The following LIMK2 variants were observed in gnomAD, a reference collection of about 807,000 sequenced individuals.
LIMK2 encodes LIM domain kinase 2.
In LIMK2, 35 loss-of-function variants were observed where a neutral mutation model predicts 75.7. The ratio of observed to expected loss-of-function variants is 0.46; its 90% CI spans 0.35 to 0.61. The LOEUF (loss-of-function observed/expected upper bound fraction) is 0.61, where lower values mean the gene tolerates loss of function less well. Among genes scored for constraint, LIMK2 ranks in the 20% least tolerant of loss-of-function variants. The probability of loss-of-function intolerance (pLI) is 0.00; values close to 1 mark genes in which losing one functional copy is unlikely to be tolerated. For synonymous variants in LIMK2, 301 were observed against 319.2 expected, an observed-to-expected ratio of 0.94 and a Z score of 0.61; for missense variants, 623 against 831.0, an observed-to-expected ratio of 0.75 and a Z score of 3.08.
At chr22:31,230,441 G>A (rs1188265846) in intron 2 of LIMK2, among the ~76,000 whole-genome samples, 1 of 152,142 alleles carries the variant, frequency 6.6e-6, no homozygotes, top group African/African-American at 2.4e-5. Flanking sequence ...CTGATCAAAG[G>A]TGTTTGGCTT....
At chr22:31,267,170 G>A (rs879450364) in intron 9 of LIMK2, 100 bp downstream of exon 9, 31 of 691,870 alleles carry the variant, frequency 4.5e-5, no homozygotes, top group Non-Finnish European at 7.7e-5. Context: ...TGGAATTACT[G>A]TCTTAAAGAC....
chr22:31,277,623 AT>A (rs2049045313), intron 15 of LIMK2: 2 of 826,826 alleles, frequency 2.4e-6, no homozygotes, highest in African/African-American at 1.9e-5. Flanking sequence ...TTATTAAAAA[AT>A]ATATATATAC....
chr22:31,242,904 C>G (rs1426787588), intron 2 of LIMK2, among the ~76,000 whole-genome samples: 1 of 152,150 alleles, frequency 6.6e-6, no homozygotes, highest in Non-Finnish European at 1.5e-5. Context: ...CCCTGTGAAG[C>G]TGGGAATTGC....
chr22:31,260,616 TGTC>T (rs1254146502), intron 5 of LIMK2, among the ~76,000 whole-genome samples: 4 of 152,194 alleles, frequency 2.6e-5, no homozygotes, highest in Non-Finnish European at 5.9e-5. Flanking sequence ...ATACCAGTAA[TGTC>T]GTACCTCTGG....
At chr22:31,227,505 C>A (rs780419807) in intron 2 of LIMK2, among the ~76,000 whole-genome samples, 1 of 152,228 alleles carries the variant, frequency 6.6e-6, no homozygotes, top group African/African-American at 2.4e-5. Context: ...GCTCTCAAGT[C>A]TTTTCTGTGG....
chr22:31,274,001 G>GTTT (rs57281983), intron 14 of LIMK2, among the ~76,000 whole-genome samples: 2 of 139,556 alleles, frequency 1.4e-5, no homozygotes, highest in Non-Finnish European at 1.6e-5. Context: ...GCCCGGCCAG[G>GTTT]TTTTTTTTTT....
intron 2 of LIMK2, among the ~76,000 whole-genome samples, chr22:31,257,324 C>T (rs1356675734): frequency 3.3e-5 from 5 of 151,972 alleles, no homozygotes; most frequent in Non-Finnish European, 7.4e-5. Flanking sequence ...ACCTACATAC[C>T]TTTCACATAG....
At chr22:31,255,121 GA>G (rs967426026) in intron 2 of LIMK2, among the ~76,000 whole-genome samples, 7 of 152,154 alleles carry the variant, frequency 4.6e-5, no homozygotes, top group African/African-American at 1.7e-4. Flanking sequence ...GAAAAACACA[GA>G]TATGCACAGA....
intron 2 of LIMK2, among the ~76,000 whole-genome samples, chr22:31,241,853 A>G (rs2048626366): frequency 6.6e-6 from 1 of 152,196 alleles, no homozygotes; most frequent in African/African-American, 2.4e-5. Flanking sequence ...AGTTCCTGCA[A>G]CAACCTCTTG....
rs537685026 is a variant in LIMK2, at chr22:31,268,209, C to T, written c.1317+9C>T. 2.3e-5 allele frequency: 37 copies of T among 1,611,212 alleles called. 1 individual carries two copies. The South Asian group carries it at 2.6e-4, about 11-fold the overall frequency. On this transcript the variant is annotated intron_variant, in intron 11 of 15. Transcript: ENST00000331728. ...GAATCGCCTCCGGAATGGTGAGTCC[C>T]ACCAACAAACCTGCCAGCAGGGCGA...
intron 2 of LIMK2, among the ~76,000 whole-genome samples, chr22:31,228,025 T>TGTGC (rs2048494137): frequency 1.0e-5 from 1 of 99,176 alleles, no homozygotes; most frequent in South Asian, 2.7e-4. Context: ...TGCGTGCGTG[T>TGTGC]GTGTGTGTGT....
At chr22:31,214,632 A>T (rs1186179460) in intron 1 of LIMK2, among the ~76,000 whole-genome samples, 1 of 151,980 alleles carries the variant, frequency 6.6e-6, no homozygotes, top group African/African-American at 2.4e-5. Context: ...CTTTTCTTAA[A>T]AATGCAAGTT....
intron 15 of LIMK2, among the ~76,000 whole-genome samples, chr22:31,276,610 A>ACCTGAGCCGGCT (rs2049023605): frequency 6.8e-6 from 1 of 146,146 alleles, no homozygotes; most frequent in African/African-American, 2.4e-5. Context: ...CGGCGAGCTA[A>ACCTGAGCCGGCT]CCTGAGCCAG....
At chr22:31,214,640 G>A (rs2048374943) in intron 1 of LIMK2, among the ~76,000 whole-genome samples, 1 of 151,484 alleles carries the variant, frequency 6.6e-6, no homozygotes, top group Non-Finnish European at 1.5e-5. Flanking sequence ...AAAAATGCAA[G>A]TTTATGCTGA....
At chr22:31,249,533 A>G (rs2048704652) in intron 2 of LIMK2, among the ~76,000 whole-genome samples, 1 of 152,074 alleles carries the variant, frequency 6.6e-6, no homozygotes, top group Non-Finnish European at 1.5e-5. Flanking sequence ...TCCACCTCCC[A>G]TAGAAACTCC....
At chr22:31,231,793 G>A (rs1355599556) in intron 2 of LIMK2, among the ~76,000 whole-genome samples, 4 of 152,228 alleles carry the variant, frequency 2.6e-5, no homozygotes, top group East Asian at 1.9e-4. Flanking sequence ...TAGATTATCT[G>A]ATTCAATCTT....
chr22:31,218,533 CT>C (rs917326782), intron 1 of LIMK2, among the ~76,000 whole-genome samples: 4 of 151,838 alleles, frequency 2.6e-5, no homozygotes, highest in African/African-American at 7.2e-5. Flanking sequence ...ATCATCTAAT[CT>C]TTTTTTTTCC....
intron 12 of LIMK2, among the ~76,000 whole-genome samples, chr22:31,271,866 T>A (rs935841997): frequency 6.6e-6 from 1 of 152,136 alleles, no homozygotes; most frequent in Non-Finnish European, 1.5e-5. Context: ...CTGAAATCAT[T>A]TTAGGAATAA....
At chr22:31,219,670 C>G (rs1399674465) in intron 1 of LIMK2, among the ~76,000 whole-genome samples, 1 of 152,162 alleles carries the variant, frequency 6.6e-6, no homozygotes, top group African/African-American at 2.4e-5. Flanking sequence ...CTCCCGGGTT[C>G]ATGCCATTCT....
Sources: allele counts gnomAD v4.1 joint callset (sites outside exome capture counted in the v4.1 genomes callset), GRCh38; gene constraint gnomAD v4.1.1; transcripts MANE v1.5; gene names NCBI Gene and HGNC (gene_info 2026-07-23, HGNC 2026-07-21).